The following PRUNE2 variants were observed in gnomAD, a reference collection of about 807,000 sequenced individuals.
PRUNE2 encodes protein prune homolog 2.
In PRUNE2, 164 loss-of-function variants were observed where a neutral mutation model predicts 252.0. The ratio of observed to expected loss-of-function variants is 0.65; its 90% confidence interval spans 0.57 to 0.74. PRUNE2 has a LOEUF of 0.74. Ranked by LOEUF, PRUNE2 falls within the 30% of genes least tolerant of loss-of-function variation. The pLI is 0.00. For synonymous variants in PRUNE2, 1,292 were observed against 1,350.2 expected (o/e 0.96, Z 0.94); for missense variants, 3,495 against 3,711.0 (o/e 0.94, Z 1.51).
At chr9:76,859,679 T>C (rs911495853) in intron 1 of PRUNE2, among the ~76,000 whole-genome samples, 1 of 146,412 alleles carries the variant, frequency 6.8e-6, no homozygotes, top group Non-Finnish European at 1.5e-5. Context: ...ATTCAGAGGC[T>C]AGGGTGCTTG....
chr9:76,618,806 G>A (rs184855639), intron 18 of PRUNE2, among the ~76,000 whole-genome samples: 14 of 152,282 alleles, frequency 9.2e-5, no homozygotes, highest in Admixed American at 5.9e-4. Flanking sequence ...CAGACACTGC[G>A]TGTGAAGCTT....
chr9:76,670,799 C>A (rs1419043818), intron 9 of PRUNE2, among the ~76,000 whole-genome samples: 1 of 151,800 alleles, frequency 6.6e-6, no homozygotes, highest in African/African-American at 2.4e-5. Flanking sequence ...CACACTGACA[C>A]CTCACACGGC....
At chr9:76,857,156 C>T (rs1445305237) in intron 1 of PRUNE2, 1 of 455,742 alleles carries the variant, frequency 2.2e-6, no homozygotes, top group African/African-American at 2.0e-5. Context: ...GCCATTTACC[C>T]ATATTTGCCA....
chr9:76,899,138 C>T (rs537053014), intron 1 of PRUNE2, among the ~76,000 whole-genome samples: 2 of 152,318 alleles, frequency 1.3e-5, no homozygotes, highest in East Asian at 3.9e-4. Context: ...TGACTTGGTA[C>T]AGTGGTTGGC....
intron 6 of PRUNE2, among the ~76,000 whole-genome samples, chr9:76,730,881 G>A (rs555592673): frequency 3.2e-4 from 48 of 152,304 alleles, no homozygotes; most frequent in African/African-American, 9.4e-4. Context: ...CCAGCCTGGC[G>A]ACAGAGCTAG....
intron 9 of PRUNE2, among the ~76,000 whole-genome samples, chr9:76,677,500 G>C (rs115402376): frequency 2.0e-5 from 3 of 152,148 alleles, no homozygotes; most frequent in African/African-American, 7.2e-5. Flanking sequence ...TGACCAAACC[G>C]TCAGCTCCTA....
intron 9 of PRUNE2, among the ~76,000 whole-genome samples, chr9:76,694,791 T>C (rs1009788817): frequency 2.0e-5 from 3 of 152,098 alleles, no homozygotes; most frequent in African/African-American, 7.2e-5. Flanking sequence ...GAATTACTGC[T>C]TAACTGCAGT....
At chr9:76,768,623 GTA>G (rs749606024) in intron 6 of PRUNE2, among the ~76,000 whole-genome samples, 2,106 of 130,204 alleles carry the variant, frequency 0.016, 24 homozygotes, top group Non-Finnish European at 0.025. Flanking sequence ...GTGTGTGTGT[GTA>G]TATCCCTGCT....
chr9:76,774,301 A>G (rs760805240), intron 6 of PRUNE2, among the ~76,000 whole-genome samples: 22 of 151,400 alleles, frequency 1.5e-4, no homozygotes, highest in Non-Finnish European at 3.1e-4. Context: ...ATGCCCAGTT[A>G]ATTTTTTGTA....
At chr9:76,756,943 TC>T (rs1396312968) in intron 6 of PRUNE2, among the ~76,000 whole-genome samples, 1 of 151,726 alleles carries the variant, frequency 6.6e-6, no homozygotes, top group Non-Finnish European at 1.5e-5. Context: ...AGTATTAATC[TC>T]CCAGAATGTC....
intron 9 of PRUNE2, among the ~76,000 whole-genome samples, chr9:76,658,096 C>T (rs1163593784): frequency 2.0e-5 from 3 of 152,180 alleles, no homozygotes; most frequent in Non-Finnish European, 2.9e-5. Context: ...CAGTGGCTCA[C>T]GCCTATAATC....
chr9:76,850,266 C>A (rs145449278), intron 3 of PRUNE2, among the ~76,000 whole-genome samples, 197 bp downstream of exon 3: 1 of 152,072 alleles, frequency 6.6e-6, no homozygotes, highest in South Asian at 2.1e-4. Flanking sequence ...AGGCTGGTCT[C>A]GAACTCCTGG....
Position 76,704,856 on chromosome 9 carries a change from G to A in PRUNE2, c.7418C>T (p.Ala2473Val). 1 of 1,601,200 alleles carries A rather than the reference G, an allele frequency of 6.2e-7. No homozygotes were observed. Among genetic ancestry groups the A allele is most frequent in the Non-Finnish European group, 8.5e-7 (1 of 1,172,988 alleles). ...DPESVYLPVGAGSNILSPSNV... is the reference protein window; with the variant it reads ...DPESVYLPVGVGSNILSPSNV... The stretch of plus-strand genomic sequence containing the variant: ...TGATGGAGACAAAATGTTGGAGCCT[G>A]CTCCTACCGGCAAATAAACGGACTC... The change falls in exon 8 of 19, where the codon GCA (alanine) becomes GTA (valine). Residue 2473 changes from alanine (A) to valine (V), a missense_variant. Transcript: ENST00000376718.
intron 6 of PRUNE2, among the ~76,000 whole-genome samples, chr9:76,754,988 A>AACC (rs869042811): frequency 6.8e-6 from 1 of 146,896 alleles, no homozygotes; most frequent in African/African-American, 2.5e-5. Flanking sequence ...AAAAAAAAAA[A>AACC]CCCAAAAAAA....
intron 1 of PRUNE2, among the ~76,000 whole-genome samples, chr9:76,898,570 C>A (rs1053823334): frequency 3.9e-5 from 6 of 152,042 alleles, no homozygotes; most frequent in African/African-American, 1.5e-4. Context: ...TTTATTTATT[C>A]TTGACAGTAA....
chr9:76,838,700 A>G (rs1400986357), intron 4 of PRUNE2, among the ~76,000 whole-genome samples: 2 of 137,206 alleles, frequency 1.5e-5, no homozygotes, highest in Non-Finnish European at 3.4e-5. Context: ...CTGTACTGCT[A>G]TGGGGTACAC....
At chr9:76,653,681 T>C (rs890178127) in intron 10 of PRUNE2, among the ~76,000 whole-genome samples, 3 of 152,126 alleles carry the variant, frequency 2.0e-5, no homozygotes, top group African/African-American at 7.2e-5. Flanking sequence ...AATACTTCTT[T>C]TAGGTCCTGA....
intron 9 of PRUNE2, among the ~76,000 whole-genome samples, chr9:76,679,832 C>T (rs966141475): frequency 6.6e-6 from 1 of 152,114 alleles, no homozygotes; most frequent in Non-Finnish European, 1.5e-5. Context: ...TGAAGTTGGA[C>T]CCTCACCTTA....
At chr9:76,871,360 C>G (rs538076397) in intron 1 of PRUNE2, among the ~76,000 whole-genome samples, 1 of 152,332 alleles carries the variant, frequency 6.6e-6, no homozygotes, top group Non-Finnish European at 1.5e-5. Context: ...CAGGAGGAAG[C>G]ATGTCGGTTA....
Sources: allele counts gnomAD v4.1 joint callset (sites outside exome capture counted in the v4.1 genomes callset), GRCh38; gene constraint gnomAD v4.1.1; transcripts MANE v1.5; gene names NCBI Gene and HGNC (gene_info 2026-07-23, HGNC 2026-07-21).